The following EFCAB6 variants were observed in gnomAD, a reference collection of about 807,000 sequenced individuals.
The protein encoded by EFCAB6 is EF-hand calcium-binding domain-containing protein 6.
EFCAB6 carries 156 observed loss-of-function variants against 169.8 expected under a neutral mutation model. The observed-to-expected ratio is 0.92, with a 90% CI of 0.81 to 1.05. The LOEUF is 1.05. Ranked by LOEUF, EFCAB6 falls within the 50% of genes least tolerant of loss-of-function variation. The pLI is 0.00. For synonymous variants in EFCAB6, 698 were observed against 676.4 expected, an observed-to-expected ratio of 1.03 and a Z score of -0.50; for missense variants, 1,800 against 1,829.1, an observed-to-expected ratio of 0.98 and a Z score of 0.29.
At chr22:43,547,021 T>G (rs2048097103) in intron 27 of EFCAB6, among the ~76,000 whole-genome samples, 1 of 151,918 alleles carries the variant, frequency 6.6e-6, no homozygotes, top group South Asian at 2.1e-4. Context: ...AGAAAGAAAA[T>G]GATCTCAGAA....
chr22:43,573,164 CA>C (rs1161227499), intron 26 of EFCAB6, among the ~76,000 whole-genome samples: 1 of 152,068 alleles, frequency 6.6e-6, no homozygotes, highest in Admixed American at 6.5e-5. Context: ...TATTGAGAGA[CA>C]GGAATATATG....
At chr22:43,745,727 T>G (rs1180493970) in intron 6 of EFCAB6, among the ~76,000 whole-genome samples, 2 of 152,202 alleles carry the variant, frequency 1.3e-5, no homozygotes, top group African/African-American at 4.8e-5. Flanking sequence ...AATAAACACA[T>G]CAATGCTCAT....
rs759488021 is a variant in EFCAB6, at chr22:43,687,518, A to T, written c.1095T>A (p.Pro365=). 6.2e-7 allele frequency: 1 copy of T among 1,600,948 alleles called. No individual in the cohort carries two copies. The change falls in exon 11 of 32, where the codon CCT becomes CCA. Residue 365 remains proline (P), a synonymous_variant. Coordinates refer to ENST00000262726, the MANE Select transcript of EFCAB6 (RefSeq NM_022785.4). ...WKQFLTSFHE[P]QGLQVSSKGP... The stretch of plus-strand genomic sequence containing the variant: ...CTTTACTGCTAACTTGCAACCCCTG[A>T]GGCTCATGAAATGATGTTAGAAATT...
At chr22:43,624,789 A>G (rs898983441) in intron 20 of EFCAB6, among the ~76,000 whole-genome samples, 1 of 152,206 alleles carries the variant, frequency 6.6e-6, no homozygotes, top group African/African-American at 2.4e-5. Flanking sequence ...AATGTCTAGC[A>G]TATAGTAGGC....
chr22:43,601,715 G>C (rs2052537457), intron 22 of EFCAB6, among the ~76,000 whole-genome samples: 1 of 152,244 alleles, frequency 6.6e-6, no homozygotes, highest in Non-Finnish European at 1.5e-5. Context: ...AGGGGTGGCA[G>C]GTAGGAGAGA....
intron 17 of EFCAB6, among the ~76,000 whole-genome samples, chr22:43,649,186 TA>T (rs1453693115): frequency 1.3e-5 from 2 of 152,118 alleles, no homozygotes; most frequent in Non-Finnish European, 2.9e-5. Flanking sequence ...AGAGCAGAGA[TA>T]AATAATGATG....
chr22:43,774,379 C>T (rs956615370), intron 3 of EFCAB6, among the ~76,000 whole-genome samples: 9 of 151,230 alleles, frequency 6.0e-5, no homozygotes, highest in Middle Eastern at 3.4e-3. Context: ...AGTGACGCTG[C>T]CATGGAGATT....
At chr22:43,569,945 C>G (rs2049735588) in intron 26 of EFCAB6, 2 of 152,130 alleles carry the variant, frequency 1.3e-5, no homozygotes, top group Non-Finnish European at 2.9e-5. Context: ...AGGAAACTTC[C>G]CCATTCTTTA....
intron 17 of EFCAB6, among the ~76,000 whole-genome samples, chr22:43,652,470 G>A (rs1403340319): frequency 2.6e-5 from 4 of 152,020 alleles, no homozygotes; most frequent in Admixed American, 2.0e-4. Flanking sequence ...GCGTGAAAAC[G>A]GACTGATACA....
chr22:43,723,100 T>C (rs997324992), intron 8 of EFCAB6, among the ~76,000 whole-genome samples: 2 of 152,164 alleles, frequency 1.3e-5, no homozygotes, highest in Non-Finnish European at 2.9e-5. Flanking sequence ...GCAAGAGAAC[T>C]AGAATTAAAA....
chr22:43,694,692 A>G (rs894782782), intron 10 of EFCAB6, among the ~76,000 whole-genome samples: 3 of 152,068 alleles, frequency 2.0e-5, no homozygotes, highest in African/African-American at 7.2e-5. Flanking sequence ...TAGTAATAGA[A>G]TAATGGAGAA....
chr22:43,674,616 G>A (rs1209336639), intron 13 of EFCAB6, among the ~76,000 whole-genome samples: 1 of 152,194 alleles, frequency 6.6e-6, no homozygotes, highest in Non-Finnish European at 1.5e-5. Flanking sequence ...GGCATGATCT[G>A]TTTTATACTA....
chr22:43,633,409 G>A (rs778566924), intron 18 of EFCAB6, among the ~76,000 whole-genome samples: 2 of 152,164 alleles, frequency 1.3e-5, no homozygotes. Flanking sequence ...TTAGCTGGGT[G>A]TGGTGGTGCA....
At chr22:43,741,221 C>T (rs908746143) in intron 6 of EFCAB6, among the ~76,000 whole-genome samples, 12 of 152,072 alleles carry the variant, frequency 7.9e-5, no homozygotes, top group Non-Finnish European at 1.5e-4. Context: ...CCACGGTCTC[C>T]GGGCTCTGGG....
In EFCAB6 at chr22:43,761,446, C is replaced by T. The variant is rs2061159506; in HGVS notation, c.440+3859G>A. ...GCTATCTCTCAGTCCACAAATGTTC[C>T]TTTCAGCTGTGTTTAATCCACTATT... On this transcript the variant is annotated intron_variant, in intron 5 of 31. Coordinates refer to ENST00000262726, the MANE Select transcript of EFCAB6 (RefSeq NM_022785.4). Among the ~76,000 whole-genome samples the T allele has an allele frequency of 2.0e-5, 3 of 151,968 alleles. No homozygotes were observed. The South Asian group carries it at 6.2e-4, about 32-fold the overall frequency.
intron 13 of EFCAB6, among the ~76,000 whole-genome samples, chr22:43,675,318 T>A (rs62227039): frequency 2.0e-3 from 70 of 35,856 alleles, no homozygotes; most frequent in Non-Finnish European, 3.3e-3. Flanking sequence ...TATAGTATAT[T>A]ATACTATAAT....
chr22:43,670,155 C>A (rs1449564569), intron 15 of EFCAB6, among the ~76,000 whole-genome samples: 1 of 152,184 alleles, frequency 6.6e-6, no homozygotes, highest in Non-Finnish European at 1.5e-5. Flanking sequence ...TATCGTCCAA[C>A]AAACCACTAT....
At chr22:43,769,274 G>A (rs1026024931) in intron 4 of EFCAB6, among the ~76,000 whole-genome samples, 1 of 152,136 alleles carries the variant, frequency 6.6e-6, no homozygotes, top group African/African-American at 2.4e-5. Context: ...GAAATATCCA[G>A]AATCTATAAT....
chr22:43,649,574 G>C (rs1463326706), intron 17 of EFCAB6, among the ~76,000 whole-genome samples: 3 of 151,896 alleles, frequency 2.0e-5, no homozygotes, highest in Non-Finnish European at 4.4e-5. Flanking sequence ...CAGTATGTAA[G>C]GACACATAAA....
Sources: gnomAD v4.1 joint callset for allele counts (sites outside exome capture counted in the v4.1 genomes callset) on GRCh38, gnomAD v4.1.1 for gene constraint, MANE v1.5 for transcripts, NCBI Gene and HGNC (gene_info 2026-07-23, HGNC 2026-07-21) for gene names.